Variants in CSMD1 observed in about 807,000 individuals in gnomAD.
CSMD1 encodes CUB and Sushi multiple domains 1, also known as CUB and sushi domain-containing protein 1.
In CSMD1, 213 loss-of-function variants were observed where a neutral mutation model predicts 417.5. The observed-to-expected ratio is 0.51, with a 90% CI of 0.46 to 0.57. The LOEUF is 0.57. Ranked by LOEUF, CSMD1 falls within the 20% of genes least tolerant of loss-of-function variation. The probability of loss-of-function intolerance (pLI) is 0.00; values close to 1 mark genes in which losing one functional copy is unlikely to be tolerated. For synonymous variants in CSMD1, 2,862 were observed against 1,736.8 expected, an observed-to-expected ratio of 1.65 and a Z score of -16.11; for missense variants, 6,923 against 4,529.7, an observed-to-expected ratio of 1.53 and a Z score of -15.17.
At chr8:3,183,147 C>T (rs1217382627) in intron 36 of CSMD1, 1 of 149,340 alleles carries the variant, frequency 6.7e-6, no homozygotes, top group Non-Finnish European at 1.5e-5. Flanking sequence ...AACGCCTAAT[C>T]TATCTATCCC....
In CSMD1 at chr8:4,440,991, T is replaced by G. The variant is rs538189785; in HGVS notation, c.303-20926A>C. Among the ~76,000 whole-genome samples the G allele has an allele frequency of 2.5e-4, 34 of 135,440 alleles. 1 individual carries two copies. The South Asian group carries it at 8.1e-3, about 32-fold the overall frequency. The allele number at this position is 135,440 out of a possible 152,430, so 88.9% of individuals were successfully genotyped here. ...CAGCCTAGATGACACAGTGAGACTC[T>G]ATCTCAAAAAAAAAAAATTAAAAAT... On this transcript the variant is annotated intron_variant, in intron 2 of 69. Transcript: ENST00000635120.
rs1804906397 is a variant in CSMD1, at chr8:3,306,960, A to G, written c.3950+735T>C. Among the ~76,000 whole-genome samples the G allele has an allele frequency of 1.3e-5, 2 of 152,138 alleles. 1 individual carries two copies. The highest frequency in any genetic ancestry group is 4.1e-4 in the South Asian group (2 of 4,828). On this transcript the variant is annotated intron_variant, in intron 25 of 69. Transcript: ENST00000635120. ...TTAAATGTTCACATCATTTTCTGAA[A>G]TTTGCAATGATTTTCTTTTATATGT...
At chr8:3,784,165 T>C (rs1799324572) in intron 5 of CSMD1, among the ~76,000 whole-genome samples, 1 of 152,222 alleles carries the variant, frequency 6.6e-6, no homozygotes, top group Non-Finnish European at 1.5e-5. Context: ...ATACATATAG[T>C]AGACATGTAA....
intron 3 of CSMD1, among the ~76,000 whole-genome samples, chr8:4,391,682 A>C (rs990655541): frequency 6.6e-6 from 1 of 152,082 alleles, no homozygotes; most frequent in Non-Finnish European, 1.5e-5. Flanking sequence ...ACTTCCACTT[A>C]GCTCTTCGCC....
intron 1 of CSMD1, among the ~76,000 whole-genome samples, chr8:4,890,524 G>T (rs547115798): frequency 6.7e-6 from 1 of 149,678 alleles, no homozygotes; most frequent in Non-Finnish European, 1.5e-5. Context: ...AGGTGAGAGC[G>T]TGACTCTGAC....
intron 18 of CSMD1, among the ~76,000 whole-genome samples, chr8:3,378,972 T>C (rs563575896): frequency 2.0e-5 from 3 of 152,216 alleles, no homozygotes; most frequent in East Asian, 3.9e-4. Flanking sequence ...TGTTTGGAGA[T>C]GACATGATTG....
intron 1 of CSMD1, among the ~76,000 whole-genome samples, chr8:4,932,257 T>TA (rs1563800215): frequency 5.8e-5 from 6 of 103,210 alleles, no homozygotes; most frequent in African/African-American, 3.1e-4. Flanking sequence ...TTCTCTGGTT[T>TA]TAAAAAAAAG....
chr8:3,916,396 A>T (rs577129856), intron 5 of CSMD1, among the ~76,000 whole-genome samples: 1 of 152,128 alleles, frequency 6.6e-6, no homozygotes, highest in Non-Finnish European at 1.5e-5. Flanking sequence ...TGATGAAATA[A>T]CTCTCAATTT....
chr8:4,961,180 C>A (rs1389082619), intron 1 of CSMD1, among the ~76,000 whole-genome samples: 1 of 152,140 alleles, frequency 6.6e-6, no homozygotes, highest in African/African-American at 2.4e-5. Flanking sequence ...ATTGATACAT[C>A]TTACTTTTAG....
intron 2 of CSMD1, among the ~76,000 whole-genome samples, chr8:4,586,667 G>T (rs1013417461): frequency 1.3e-5 from 2 of 151,790 alleles, no homozygotes; most frequent in Admixed American, 1.3e-4. Context: ...ATCCCTTTTT[G>T]TTTTATTCAC....
intron 18 of CSMD1, among the ~76,000 whole-genome samples, chr8:3,372,809 T>C (rs1056912483): frequency 2.6e-5 from 4 of 152,072 alleles, no homozygotes; most frequent in South Asian, 2.1e-4. Context: ...GAGCAAGGGA[T>C]AGAAGGGAGA....
intron 3 of CSMD1, among the ~76,000 whole-genome samples, chr8:4,047,625 G>C (rs1012858027): frequency 6.6e-6 from 1 of 152,042 alleles, no homozygotes; most frequent in Non-Finnish European, 1.5e-5. Flanking sequence ...CAGGCACTAG[G>C]AATGCAATAT....
At chr8:4,135,861 A>C (rs374251398) in intron 3 of CSMD1, among the ~76,000 whole-genome samples, 1 of 152,306 alleles carries the variant, frequency 6.6e-6, no homozygotes, top group African/African-American at 2.4e-5. Flanking sequence ...TTTAAATCTA[A>C]TAAGAAAAAT....
Position 4,410,927 on chromosome 8 carries a change from A to C in CSMD1, c.415+9026T>G, listed in dbSNP as rs189386696. Among the ~76,000 whole-genome samples, 24 of 152,310 alleles carry C rather than the reference A, an allele frequency of 1.6e-4. No individual in the cohort carries two copies. In the East Asian group the frequency reaches 1.7e-3, roughly 11 times the overall value. ...AAGATCAATGAATGTCTTTCTCTTC[A>C]GACTAGATTTGTTCTAGTGGGACTA... On this transcript the variant is annotated intron_variant, in intron 3 of 69. Coordinates refer to ENST00000635120, the MANE Select transcript of CSMD1 (RefSeq NM_033225.6).
intron 1 of CSMD1, among the ~76,000 whole-genome samples, chr8:4,711,932 G>A (rs1808326328): frequency 6.6e-6 from 1 of 152,136 alleles, no homozygotes; most frequent in Non-Finnish European, 1.5e-5. Flanking sequence ...GACTGAGCTG[G>A]CTGGCTACTG....
At chr8:4,542,695 A>T (rs1797446438) in intron 2 of CSMD1, among the ~76,000 whole-genome samples, 1 of 152,224 alleles carries the variant, frequency 6.6e-6, no homozygotes, top group Non-Finnish European at 1.5e-5. Context: ...GATAGTTTGA[A>T]TCTATTTAAA....
At chr8:3,982,145 G>T (rs572730014) in intron 5 of CSMD1, among the ~76,000 whole-genome samples, 1 of 145,318 alleles carries the variant, frequency 6.9e-6, no homozygotes, top group Non-Finnish European at 1.5e-5. Flanking sequence ...GTGACACAGC[G>T]AGGCTCTATC....
chr8:4,740,718 A>C (rs890118579), intron 1 of CSMD1, among the ~76,000 whole-genome samples: 4 of 152,120 alleles, frequency 2.6e-5, no homozygotes, highest in Non-Finnish European at 4.4e-5. Flanking sequence ...CCATCTCTGC[A>C]CTCTAGCATG....
chr8:4,015,891 G>T (rs1215462325), intron 4 of CSMD1, among the ~76,000 whole-genome samples: 1 of 152,102 alleles, frequency 6.6e-6, no homozygotes, highest in Non-Finnish European at 1.5e-5. Flanking sequence ...ATGCTTCCAA[G>T]CAAAACAGAA....
Sources: gnomAD v4.1 joint callset for allele counts (sites outside exome capture counted in the v4.1 genomes callset) on GRCh38, gnomAD v4.1.1 for gene constraint, MANE v1.5 for transcripts, NCBI Gene and HGNC (gene_info 2026-07-23, HGNC 2026-07-21) for gene names.